DSE: variants seen among roughly 807,000 people sequenced by gnomAD.
DSE encodes the protein dermatan sulfate epimerase, also known as dermatan-sulfate epimerase.
DSE carries 36 observed loss-of-function variants against 84.4 expected under a neutral mutation model. That is an observed-to-expected ratio of 0.43 (90% confidence interval 0.33 to 0.56). The LOEUF is 0.56. Among genes scored for constraint, DSE ranks in the 20% least tolerant of loss-of-function variants. The probability of loss-of-function intolerance (pLI) is 0.06; values close to 1 mark genes in which losing one functional copy is unlikely to be tolerated. For synonymous variants in DSE, 410 were observed against 430.1 expected (o/e 0.95, Z 0.58); for missense variants, 862 against 1,169.6 (o/e 0.74, Z 3.84).
chr6:116,319,232 A>G lies in DSE; in HGVS notation c.-54+60265A>G, dbSNP rs553712149. 2.1e-4 allele frequency among the ~76,000 whole-genome samples: 32 copies of G among 152,380 alleles called. No individual in the cohort carries two copies. The East Asian group carries it at 5.6e-3, about 27-fold the overall frequency. On this transcript the variant is annotated intron_variant, in intron 2 of 3. Coordinates refer to the DSE transcript ENST00000430252. The stretch of plus-strand genomic sequence containing the variant: ...ATTAGTTAACATACACCCTTGTATT[A>G]GTCAGAGTAGATAGGTTATGCTGTA...
intron 2 of DSE, among the ~76,000 whole-genome samples, chr6:116,318,122 G>A (rs9384973): frequency 0.24 from 36,891 of 152,092 alleles, 5,551 homozygotes; most frequent in East Asian, 0.64. Context: ...ATGACATGCT[G>A]AGGCATTCGA....
chr6:116,300,018 G>A (rs371658099), intron 2 of DSE, among the ~76,000 whole-genome samples: 6 of 152,228 alleles, frequency 3.9e-5, no homozygotes, highest in Non-Finnish European at 5.9e-5. Flanking sequence ...TATTCAAACC[G>A]TTTTTAAATT....
chr6:116,293,886 GAAAT>G (rs1265134004), intron 2 of DSE, among the ~76,000 whole-genome samples: 5 of 151,638 alleles, frequency 3.3e-5, no homozygotes, highest in Admixed American at 6.6e-5. Context: ...GCCTCAAAAA[GAAAT>G]AAAAAGAGCT....
At chr6:116,289,487 C>CTG (rs1240682811) in intron 2 of DSE, among the ~76,000 whole-genome samples, 1 of 151,898 alleles carries the variant, frequency 6.6e-6, no homozygotes, top group Non-Finnish European at 1.5e-5. Flanking sequence ...GCAGCTAAAA[C>CTG]CCTTTAAACA....
intron 2 of DSE, among the ~76,000 whole-genome samples, chr6:116,289,547 A>G (rs1019154958): frequency 6.6e-6 from 1 of 152,044 alleles, no homozygotes; most frequent in African/African-American, 2.4e-5. Flanking sequence ...GTATCATACA[A>G]AAATATCAGA....
chr6:116,285,116 A>G (rs1393098349), intron 2 of DSE, among the ~76,000 whole-genome samples: 1 of 152,170 alleles, frequency 6.6e-6, no homozygotes, highest in East Asian at 1.9e-4. Flanking sequence ...CAATGGTTGA[A>G]CTACTTTAGA....
chr6:116,308,819 A>G (rs1386378699), intron 2 of DSE, among the ~76,000 whole-genome samples: 2 of 152,120 alleles, frequency 1.3e-5, no homozygotes, highest in African/African-American at 4.8e-5. Context: ...CTGGGACTAC[A>G]GGCGCCCACC....
chr6:116,433,562 T>C lies in DSE; in HGVS notation c.1118+12T>C. The C allele has an allele frequency of 1.3e-6, 2 of 1,586,800 alleles. No homozygotes were observed. The highest frequency in any genetic ancestry group is 8.6e-7 in the Non-Finnish European group (1 of 1,164,900). ...ACAGAATTTCTCTGGTATGACACATTGGGCTAGCTTTAAAGAGAAATGGTA... is the reference window on the plus strand; with the variant it reads ...ACAGAATTTCTCTGGTATGACACATCGGGCTAGCTTTAAAGAGAAATGGTA... On this transcript the variant is annotated intron_variant, in intron 5 of 5. Coordinates refer to ENST00000644252, the MANE Select transcript of DSE (RefSeq NM_013352.4).
chr6:116,357,250 C>G (rs1270090667), intron 2 of DSE, among the ~76,000 whole-genome samples: 1 of 152,144 alleles, frequency 6.6e-6, no homozygotes, highest in African/African-American at 2.4e-5. Flanking sequence ...AACAAGTTAT[C>G]AGCCGGGCAC....
In DSE at chr6:116,399,238, A is replaced by G. The variant is rs1168219707; in HGVS notation, c.-13A>G. On this transcript the variant is annotated 5_prime_UTR_variant, in exon 2 of 6. Transcript: ENST00000644252. ...GTTTGGCTGCCTTGGAGATTTGGAG[A>G]TCTGATGCCACGATGAGGACTCACA... is the stretch of plus-strand genomic sequence containing the variant. 1 of 1,613,230 alleles carries G rather than the reference A, an allele frequency of 6.2e-7. No individual in the cohort carries two copies. The highest frequency in any genetic ancestry group is 1.1e-5 in the South Asian group (1 of 91,070).
intron 2 of DSE, chr6:116,278,819 T>C: frequency 6.2e-7 from 1 of 1,614,174 alleles, no homozygotes. Context: ...TCATATTCCT[T>C]GACAATCAGC....
intron 2 of DSE, among the ~76,000 whole-genome samples, chr6:116,335,846 A>G (rs1777216224): frequency 6.6e-6 from 1 of 152,244 alleles, no homozygotes; most frequent in Non-Finnish European, 1.5e-5. Flanking sequence ...CTCTTTGACT[A>G]GTTGCTGTGA....
chr6:116,274,049 C>T (rs543117729), intron 2 of DSE, among the ~76,000 whole-genome samples: 4 of 151,502 alleles, frequency 2.6e-5, no homozygotes, highest in East Asian at 4.0e-4. Flanking sequence ...AGGCTGGTCT[C>T]GAACTCCTGA....
At chr6:116,431,909 TC>T (rs1465213672) in intron 4 of DSE, among the ~76,000 whole-genome samples, 9 of 151,940 alleles carry the variant, frequency 5.9e-5, no homozygotes, top group Non-Finnish European at 8.8e-5. Flanking sequence ...CAGGATAGAT[TC>T]CCCCCCTTCC....
exon 1 of DSE, chr6:116,254,217 T>A (rs993943817): frequency 4.2e-6 from 3 of 707,736 alleles, no homozygotes; most frequent in African/African-American, 3.5e-5. Flanking sequence ...TTCCTTTGTC[T>A]TCTTGTCACA....
intron 2 of DSE, among the ~76,000 whole-genome samples, chr6:116,313,841 T>C (rs1338602748): frequency 6.6e-6 from 1 of 152,220 alleles, no homozygotes; most frequent in Admixed American, 6.5e-5. Flanking sequence ...TATTGTCATT[T>C]ATTATGCCTA....
chr6:116,421,356 A>G (rs1783058263), intron 2 of DSE, among the ~76,000 whole-genome samples: 1 of 143,564 alleles, frequency 7.0e-6, no homozygotes, highest in Non-Finnish European at 1.5e-5. Context: ...TGAAACATTT[A>G]TTTGTTCATT....
chr6:116,366,240 A>G (rs1227074247), upstream of DSE: 1 of 152,222 alleles, frequency 6.6e-6, no homozygotes, highest in Admixed American at 6.5e-5. Flanking sequence ...ATTTCAGCCT[A>G]GTTTTGTTCA....
intron 2 of DSE, among the ~76,000 whole-genome samples, chr6:116,410,607 G>T (rs1476520612): frequency 1.3e-5 from 2 of 151,714 alleles, no homozygotes; most frequent in Non-Finnish European, 2.9e-5. Context: ...GGTGACACAC[G>T]CCTGTAGTCC....
Sources: gnomAD v4.1 joint callset for allele counts (sites outside exome capture counted in the v4.1 genomes callset) on GRCh38, gnomAD v4.1.1 for gene constraint, MANE v1.5 for transcripts, NCBI Gene and HGNC (gene_info 2026-07-23, HGNC 2026-07-21) for gene names.